CACNA1H: variants seen among roughly 807,000 people sequenced by gnomAD.
CACNA1H encodes the protein calcium voltage-gated channel subunit alpha1 H, also known as voltage-dependent T-type calcium channel subunit alpha-1H.
Under a neutral mutation model 192.5 loss-of-function variants are expected in CACNA1H, and 149 were observed. That is an observed-to-expected ratio of 0.77 (90% CI 0.68 to 0.89). CACNA1H has a LOEUF of 0.89. Among genes scored for constraint, CACNA1H ranks in the 40% least tolerant of loss-of-function variants. The pLI is 0.00. For missense variants in CACNA1H, 4,257 were observed against 3,423.5 expected (o/e 1.24, Z -6.08); for synonymous variants, 2,202 against 1,475.2 (o/e 1.49, Z -11.29).
intron 33 of CACNA1H, 30 bp downstream of exon 33, chr16:1,218,681 G>A: frequency 6.6e-7 from 1 of 1,507,520 alleles, no homozygotes; most frequent in Non-Finnish European, 8.9e-7. Context: ...GATATGGGCT[G>A]GGTGGGAAGC....
chr16:1,199,864 C>A (rs984872560), intron 6 of CACNA1H, among the ~76,000 whole-genome samples: 1 of 152,114 alleles, frequency 6.6e-6, no homozygotes, highest in Admixed American at 6.5e-5. Context: ...TGCCCCTCAT[C>A]CGCTTCCAGG....
intron 2 of CACNA1H, among the ~76,000 whole-genome samples, chr16:1,176,783 C>T (rs887328104): frequency 6.6e-6 from 1 of 152,148 alleles, no homozygotes; most frequent in Non-Finnish European, 1.5e-5. Flanking sequence ...GGGAGCGGGG[C>T]CGCCCCGCCG....
At chr16:1,190,911 C>T (rs1567485760) in intron 2 of CACNA1H, among the ~76,000 whole-genome samples, 1 of 150,278 alleles carries the variant, frequency 6.7e-6, no homozygotes, top group African/African-American at 2.5e-5. Flanking sequence ...TGTGTGGCCT[C>T]AGGCACACTC....
Position 1,210,445 on chromosome 16 carries a change from C to G in CACNA1H, c.3921C>G (p.Asn1307Lys), listed in dbSNP as rs377019810. 2 of 1,609,420 alleles carry G rather than the reference C, an allele frequency of 1.2e-6. No individual in the cohort carries two copies. Among genetic ancestry groups the G allele is most frequent in the African/African-American group, 2.7e-5 (2 of 74,668 alleles). ...DHVVLVFIFLNCVTIALERPD... is the reference protein window; with the variant it reads ...DHVVLVFIFLKCVTIALERPD... ...TGGTCCTCGTCTTCATCTTCCTCAA[C>G]TGCGTCACCATCGCCCTGGAGAGGC... is the stretch of plus-strand genomic sequence containing the variant. Residue 1307 changes from asparagine to lysine, a missense_variant, in exon 19 of 35, where the codon AAC becomes AAG. Coordinates refer to ENST00000348261, the MANE Select transcript of CACNA1H (RefSeq NM_021098.3).
rs763608019 is a variant in CACNA1H, at chr16:1,202,151, C to A, written c.1701C>A (p.Pro567=). The A allele has an allele frequency of 4.5e-6, 7 of 1,550,112 alleles. No homozygotes were observed. The highest frequency in any genetic ancestry group is 1.4e-5 in the African/African-American group (1 of 73,048). ...PSPPSPGRGP[P]DAESVHSIYH... ...CACCTTCCCCAGGCCGCGGACCCCC[C>A]GACGCAGAGTCTGTGCACAGCATCT... The change falls in exon 9 of 35, where the codon CCC becomes CCA. Residue 567 remains proline (P), a synonymous_variant. Coordinates refer to ENST00000348261, the MANE Select transcript of CACNA1H (RefSeq NM_021098.3).
intron 34 of CACNA1H, 82 bp from the exon 35 acceptor site, chr16:1,219,899 A>G: frequency 3.6e-6 from 4 of 1,117,460 alleles, no homozygotes; most frequent in East Asian, 3.2e-5. Flanking sequence ...CAGTACCTGG[A>G]TGGTGAGGGG....
rs535885299 is a variant in CACNA1H, at chr16:1,199,594, C to T, written c.804-662C>T. The stretch of plus-strand genomic sequence containing the variant: ...TCCCCACACCCCAGAGTCCGTCACA[C>T]CTTACCCCAGGGTCTCCCCTCGGCC... On this transcript the variant is annotated intron_variant, in intron 6 of 34. Transcript: ENST00000348261. 5.3e-5 allele frequency among the ~76,000 whole-genome samples: 8 copies of T among 151,166 alleles called. No individual in the cohort carries two copies. In the East Asian group the frequency reaches 1.2e-3, roughly 23 times the overall value.
At chr16:1,205,388 G>A in intron 11 of CACNA1H, 123 bp downstream of exon 11, 3 of 1,103,834 alleles carry the variant, frequency 2.7e-6, no homozygotes, top group Non-Finnish European at 3.9e-6. Context: ...TTTATGACAG[G>A]CCGTGGGAAG....
At chr16:1,214,023 G>T in intron 27 of CACNA1H, 92 bp downstream of exon 27, 3 of 1,130,920 alleles carry the variant, frequency 2.7e-6, no homozygotes, top group Non-Finnish European at 3.9e-6. Flanking sequence ...CCGGCGCTCC[G>T]CTGAGCCCTC....
In CACNA1H at chr16:1,208,221, G is replaced by A. The variant is rs1397002195; in HGVS notation, c.3363G>A (p.Pro1121=). 4.5e-6 allele frequency: 7 copies of A among 1,555,288 alleles called. No individual in the cohort carries two copies. Among genetic ancestry groups the A allele is most frequent in the East Asian group, 2.4e-5 (1 of 41,600 alleles). ...GDPPLGDQKP[P]ASLRSSPCAP... The stretch of plus-strand genomic sequence containing the variant: ...CGCCACTGGGAGACCAGAAGCCTCC[G>A]GTAGGGACCATCTCCTGCCCCAGCT... The change falls in exon 16 of 35, where the codon CCG becomes CCA. Residue 1121 remains proline, a splice_region_variant and synonymous_variant. Coordinates refer to ENST00000348261, the MANE Select transcript of CACNA1H (RefSeq NM_021098.3).
At chr16:1,177,483 A>G (rs889853942) in intron 2 of CACNA1H, among the ~76,000 whole-genome samples, 11 of 152,078 alleles carry the variant, frequency 7.2e-5, no homozygotes, top group Non-Finnish European at 8.8e-5. Flanking sequence ...CACGTCTGTC[A>G]TAGGTTTGAG....
chr16:1,204,190 A>G lies in CACNA1H; in HGVS notation c.2183A>G (p.Tyr728Cys), dbSNP rs371324992. The G allele has an allele frequency of 7.2e-5, 116 of 1,612,214 alleles. No homozygotes were observed. The highest frequency in any genetic ancestry group is 9.4e-5 in the Non-Finnish European group (111 of 1,179,692). Residue 728 changes from tyrosine to cysteine, a missense_variant, in exon 10 of 35, where the codon TAT becomes TGT. Transcript: ENST00000348261. Reference protein sequence around the residue: ...ESGDSDGRGVYEFTQDVRHGD... With the variant: ...ESGDSDGRGVCEFTQDVRHGD... ...GGAGACTCAGATGGCCGTGGCGTCTATGAATTCACGCAGGACGTCCGGCAC... is the reference window on the plus strand; with the variant it reads ...GGAGACTCAGATGGCCGTGGCGTCTGTGAATTCACGCAGGACGTCCGGCAC...
chr16:1,210,152 A>G lies in CACNA1H; in HGVS notation c.3845+17A>G, dbSNP rs1485132346. On this transcript the variant is annotated intron_variant, in intron 18 of 34. Coordinates refer to ENST00000348261, the MANE Select transcript of CACNA1H (RefSeq NM_021098.3). ...ACAGAACCGGTGAGGCGGCCGGGTC[A>G]GGAGGCTGCATGGCTAGTTCCACCC... The G allele has an allele frequency of 1.3e-6, 2 of 1,544,472 alleles. No individual in the cohort carries two copies. Among genetic ancestry groups the G allele is most frequent in the Admixed American group, 3.9e-5 (2 of 51,060 alleles).
rs891439706 is a variant in CACNA1H, at chr16:1,221,388, G to A, written c.*394G>A. ...TCGCTGGGGGCCCTGTGCCCTTGCC[G>A]GCGGCAGGTTGCAGCCACCGCGGCC... On this transcript the variant is annotated 3_prime_UTR_variant, in exon 35 of 35. Coordinates refer to ENST00000348261, the MANE Select transcript of CACNA1H (RefSeq NM_021098.3). 3.9e-5 allele frequency: 12 copies of A among 307,038 alleles called. No homozygotes were observed. Among genetic ancestry groups the A allele is most frequent in the South Asian group, 1.3e-4 (2 of 15,752 alleles). The allele number at this position is 307,038 out of a possible 1,614,324, so 19.0% of individuals were successfully genotyped here.
rs1410266427 is a variant in CACNA1H at position 1,210,456 on chromosome 16, T to C, written c.3932T>C (p.Ile1311Thr). Residue 1311 changes from isoleucine to threonine, a missense_variant, in exon 19 of 35, where the codon ATC (isoleucine) becomes ACC (threonine). By Grantham distance (89) the Ile-to-Thr change is moderately conservative. Coordinates refer to ENST00000348261, the MANE Select transcript of CACNA1H (RefSeq NM_021098.3). ...LVFIFLNCVTIALERPDIDPG... is the reference protein window; with the variant it reads ...LVFIFLNCVTTALERPDIDPG... The stretch of plus-strand genomic sequence containing the variant: ...TTCATCTTCCTCAACTGCGTCACCA[T>C]CGCCCTGGAGAGGCCTGACATTGAT... 1 of 1,609,480 alleles carries C rather than the reference T, an allele frequency of 6.2e-7. No individual in the cohort carries two copies. The highest frequency in any genetic ancestry group is 1.1e-5 in the South Asian group (1 of 90,988).
chr16:1,213,391 C>T (rs759979923), intron 26 of CACNA1H, among the ~76,000 whole-genome samples: 5 of 152,096 alleles, frequency 3.3e-5, no homozygotes, highest in Admixed American at 1.3e-4. Context: ...TCCAGGGGGG[C>T]GGGCCCTGCC....
At position 1,211,495 on chromosome 16, in the gene CACNA1H, G is replaced by A. The variant is rs373587418; in HGVS notation, c.4365G>A (p.Lys1455=). ...GILGVQLFKG[K]FYYCEGPDTR... is the part of the protein sequence containing the mutation. ...CACCCCGTCAGCTCTTCAAAGGGAA[G>A]TTCTACTACTGCGAGGGCCCCGACA... The change falls in exon 23 of 35, where the codon AAG becomes AAA. Residue 1455 remains lysine (K), a synonymous_variant. Transcript: ENST00000348261. 87 of 1,612,484 alleles carry A rather than the reference G, an allele frequency of 5.4e-5. 1 individual carries two copies. The Middle Eastern group carries it at 1.8e-3, about 34-fold the overall frequency.
At position 1,202,349 on chromosome 16, in the gene CACNA1H, G is replaced by A. The variant is rs1333169319; in HGVS notation, c.1899G>A (p.Lys633=). 1.3e-6 allele frequency: 2 copies of A among 1,569,456 alleles called. No individual in the cohort carries two copies. The highest frequency in any genetic ancestry group is 1.7e-6 in the Non-Finnish European group (2 of 1,159,492). The stretch of plus-strand genomic sequence containing the variant: ...AAGGCAGCACCAGCCCCGGACCCAA[G>A]GGGAAGTGGGCCGGTGGACCGCCAG... ...SGKGSTSPGP[K]GKWAGGPPGT... The change falls in exon 9 of 35, where the codon AAG becomes AAA. Residue 633 remains lysine, a synonymous_variant. Coordinates refer to ENST00000348261, the MANE Select transcript of CACNA1H (RefSeq NM_021098.3).
intron 17 of CACNA1H, 127 bp downstream of exon 17, chr16:1,209,539 G>GCAGGC (rs1467030455): frequency 8.5e-7 from 1 of 1,180,118 alleles, no homozygotes; most frequent in Non-Finnish European, 1.2e-6. Flanking sequence ...GGGGAGAGAA[G>GCAGGC]CAGGCCAGGC....
Sources: gnomAD v4.1 joint callset for allele counts (sites outside exome capture counted in the v4.1 genomes callset) on GRCh38, gnomAD v4.1.1 for gene constraint, MANE v1.5 for transcripts, NCBI Gene and HGNC (gene_info 2026-07-23, HGNC 2026-07-21) for gene names.